Variants in RNF150 observed in about 807,000 individuals in gnomAD.
RNF150 encodes the protein ring finger protein 150.
A neutral mutation model predicts 39.3 loss-of-function variants in RNF150; 24 were observed. The ratio of observed to expected loss-of-function variants is 0.61; its 90% confidence interval spans 0.44 to 0.86. The LOEUF (loss-of-function observed/expected upper bound fraction) is 0.86. Ranked by LOEUF, RNF150 falls within the 40% of genes least tolerant of loss-of-function variation. RNF150 has a pLI of 0.00. For synonymous variants in RNF150, 255 were observed against 227.3 expected (o/e 1.12, Z -1.10); for missense variants, 502 against 587.8 (o/e 0.85, Z 1.51).
intron 1 of RNF150, among the ~76,000 whole-genome samples, chr4:141,144,892 G>T (rs1462148749): frequency 6.6e-6 from 1 of 152,070 alleles, no homozygotes; most frequent in African/African-American, 2.4e-5. Context: ...GAACCAAGAT[G>T]CTCCAGTAAC....
chr4:141,180,539 C>A (rs180754306), intron 1 of RNF150, among the ~76,000 whole-genome samples: 1 of 152,180 alleles, frequency 6.6e-6, no homozygotes, highest in Admixed American at 6.5e-5. Context: ...CGATTCTGAT[C>A]TGGAACTCTG....
intron 2 of RNF150, among the ~76,000 whole-genome samples, chr4:140,965,540 A>C (rs1307576738): frequency 1.3e-5 from 2 of 152,136 alleles, no homozygotes; most frequent in Non-Finnish European, 2.9e-5. Flanking sequence ...AAATGTATAT[A>C]CATACACACA....
At chr4:141,014,953 GT>G in intron 1 of RNF150, among the ~76,000 whole-genome samples, 1 of 151,972 alleles carries the variant, frequency 6.6e-6, no homozygotes, top group East Asian at 1.9e-4. Flanking sequence ...ACAGTTTCAG[GT>G]TTTATATTTA....
intron 1 of RNF150, among the ~76,000 whole-genome samples, chr4:140,968,600 G>A (rs567438610): frequency 6.6e-6 from 1 of 151,782 alleles, no homozygotes; most frequent in Non-Finnish European, 1.5e-5. Flanking sequence ...GCAAGGAGAA[G>A]ATGGAAGCAG....
chr4:140,981,427 A>G (rs573572852), intron 1 of RNF150, among the ~76,000 whole-genome samples: 1 of 152,286 alleles, frequency 6.6e-6, no homozygotes, highest in Non-Finnish European at 1.5e-5. Flanking sequence ...ACACTGAACT[A>G]TCAGAAAGCA....
intron 6 of RNF150, 33 bp downstream of exon 6, chr4:140,911,111 T>C (rs781150763): frequency 1.3e-6 from 2 of 1,555,138 alleles, no homozygotes; most frequent in South Asian, 1.1e-5. Flanking sequence ...ACAGTCCTTC[T>C]GGCTATGTCA....
intron 1 of RNF150, among the ~76,000 whole-genome samples, chr4:141,075,773 G>T (rs557123862): frequency 3.9e-5 from 6 of 152,072 alleles, no homozygotes; most frequent in Admixed American, 3.9e-4. Flanking sequence ...CTTAAGTGAG[G>T]TTTGCTGGGA....
At chr4:140,895,190 T>C (rs1729895970) in intron 6 of RNF150, among the ~76,000 whole-genome samples, 1 of 152,222 alleles carries the variant, frequency 6.6e-6, no homozygotes, top group Admixed American at 6.5e-5. Flanking sequence ...TTGGGATTTC[T>C]GAGACTGTTT....
At chr4:140,930,131 T>C (rs959372874) in intron 4 of RNF150, among the ~76,000 whole-genome samples, 1 of 152,040 alleles carries the variant, frequency 6.6e-6, no homozygotes, top group Admixed American at 6.5e-5. Flanking sequence ...ACTGCACTCC[T>C]GCCTGGGTGA....
intron 6 of RNF150, among the ~76,000 whole-genome samples, chr4:140,892,292 A>T (rs1214037130): frequency 6.6e-6 from 1 of 152,114 alleles, no homozygotes; most frequent in Admixed American, 6.6e-5. Context: ...AACTAATTTG[A>T]TCTATAGTTC....
At chr4:140,931,384 G>A (rs1449759930) in intron 4 of RNF150, among the ~76,000 whole-genome samples, 1 of 152,154 alleles carries the variant, frequency 6.6e-6, no homozygotes, top group African/African-American at 2.4e-5. Flanking sequence ...TTTCTTTTTG[G>A]TAGCATATTG....
chr4:140,925,728 G>A (rs1731373585), intron 5 of RNF150, among the ~76,000 whole-genome samples: 1 of 152,142 alleles, frequency 6.6e-6, no homozygotes, highest in Admixed American at 6.5e-5. Context: ...AAGCCAATGA[G>A]CTGCACAAGT....
chr4:141,132,700 C>T lies in RNF150; in HGVS notation c.109G>A (p.Glu37Lys). 6.2e-7 allele frequency: 1 copy of T among 1,609,684 alleles called. No individual in the cohort carries two copies. Among genetic ancestry groups the T allele is most frequent in the Non-Finnish European group, 8.5e-7 (1 of 1,178,360 alleles). The change falls in exon 1 of 7, where the codon GAG becomes AAG. Residue 37 changes from glutamate (E) to lysine (K), a missense_variant. Physicochemically the swap from Glu to Lys is moderately conservative, Grantham distance 56. Transcript: ENST00000515673. This position sits in a 1 kb window ranked among gnomAD's most constrained non-coding sequence, Gnocchi z 4.9. The stretch of plus-strand genomic sequence containing the variant: ...TTCACGAAGGCGGTGTACCATTCCT[C>T]CTTCTCGGCCACGGTAAAGTCCAGG... Reference protein sequence around the residue: ...LCLDFTVAEKEEWYTAFVNIT... With the variant: ...LCLDFTVAEKKEWYTAFVNIT...
At chr4:140,949,214 C>T in intron 3 of RNF150, 87 bp downstream of exon 3, 1 of 950,120 alleles carries the variant, frequency 1.1e-6, no homozygotes. Flanking sequence ...CCTTTCCCAT[C>T]CTTTCCTCTC....
intron 1 of RNF150, among the ~76,000 whole-genome samples, chr4:141,022,943 A>G (rs377492797): frequency 4.1e-4 from 63 of 152,298 alleles, no homozygotes; most frequent in African/African-American, 1.5e-3. Context: ...GCAGTGAGCT[A>G]AATTCTATTT....
intron 6 of RNF150, among the ~76,000 whole-genome samples, chr4:140,892,514 C>T (rs1432253909): frequency 6.6e-6 from 1 of 152,206 alleles, no homozygotes; most frequent in Non-Finnish European, 1.5e-5. Context: ...TACATTTGAA[C>T]TGTACACAAA....
Position 141,130,464 on chromosome 4 carries a change from C to T in RNF150, c.484+1861G>A, listed in dbSNP as rs139385740. Among the ~76,000 whole-genome samples, 479 of 152,274 alleles carry T rather than the reference C, an allele frequency of 3.1e-3. 1 individual carries two copies. Among genetic ancestry groups the T allele is most frequent in the African/African-American group, 0.01 (426 of 41,546 alleles). ...ACTACAGTATTACTAAACTTCCACT[C>T]CCACTATCTTAATCAAGCATCATTT... On this transcript the variant is annotated intron_variant, in intron 1 of 6. Transcript: ENST00000515673.
intron 1 of RNF150, among the ~76,000 whole-genome samples, chr4:141,011,900 G>T (rs1671501000): frequency 6.6e-6 from 1 of 152,198 alleles, no homozygotes; most frequent in South Asian, 2.1e-4. Context: ...TCTCCTTAGA[G>T]TGAAAAGTAT....
chr4:140,906,500 G>A (rs1229530210), intron 6 of RNF150, among the ~76,000 whole-genome samples: 1 of 152,126 alleles, frequency 6.6e-6, no homozygotes, highest in South Asian at 2.1e-4. Flanking sequence ...GGGAAAGGGG[G>A]TATCATGGAA....
Sources: allele counts gnomAD v4.1 joint callset (sites outside exome capture counted in the v4.1 genomes callset), GRCh38; gene constraint gnomAD v4.1.1; non-coding constraint Gnocchi (gnomAD v3.1); transcripts MANE v1.5; gene names NCBI Gene and HGNC (gene_info 2026-07-23, HGNC 2026-07-21).